GRK5: variants seen among roughly 807,000 people sequenced by gnomAD.
The protein encoded by GRK5 is g protein-coupled receptor kinase GRK5.
In GRK5, 40 loss-of-function variants were observed where a neutral mutation model predicts 78.4. The ratio of observed to expected loss-of-function variants is 0.51; its 90% CI spans 0.40 to 0.66. The LOEUF is 0.66. Among genes scored for constraint, GRK5 ranks in the 30% least tolerant of loss-of-function variants. The pLI is 0.00. For missense variants in GRK5, 598 were observed against 759.9 expected (o/e 0.79, Z 2.50); for synonymous variants, 289 against 296.8 (o/e 0.97, Z 0.27).
At chr10:119,313,616 A>G (rs1164887105) in intron 1 of GRK5, among the ~76,000 whole-genome samples, 1 of 152,046 alleles carries the variant, frequency 6.6e-6, no homozygotes, top group Non-Finnish European at 1.5e-5. Context: ...GTCCTGGTGA[A>G]CAGTGCAGCT....
intron 1 of GRK5, among the ~76,000 whole-genome samples, chr10:119,321,473 G>A (rs975507359): frequency 5.9e-5 from 9 of 152,154 alleles, no homozygotes; most frequent in Non-Finnish European, 1.0e-4. Flanking sequence ...GCCTTGGCTC[G>A]TGGCCCCTTC....
intron 4 of GRK5, among the ~76,000 whole-genome samples, chr10:119,419,365 T>C (rs996504447): frequency 2.0e-5 from 3 of 152,234 alleles, no homozygotes; most frequent in Admixed American, 1.3e-4. Flanking sequence ...CATCCTCTGG[T>C]TCCATTGATG....
intron 4 of GRK5, among the ~76,000 whole-genome samples, chr10:119,408,453 A>G (rs985673995): frequency 1.3e-5 from 2 of 152,204 alleles, no homozygotes; most frequent in Non-Finnish European, 2.9e-5. Context: ...CAACCAAAGT[A>G]TCCATCAACG....
At chr10:119,323,775 G>C (rs1025953383) in intron 1 of GRK5, among the ~76,000 whole-genome samples, 1 of 152,190 alleles carries the variant, frequency 6.6e-6, no homozygotes, top group African/African-American at 2.4e-5. Context: ...GGTGATTTCT[G>C]AGATTTTGGT....
At chr10:119,291,289 G>A (rs1231911114) in intron 1 of GRK5, among the ~76,000 whole-genome samples, 2 of 152,146 alleles carry the variant, frequency 1.3e-5, no homozygotes, top group East Asian at 1.9e-4. Flanking sequence ...GGCAGGAGAT[G>A]CAGTGAAGCT....
chr10:119,456,012 A>T lies in GRK5; in HGVS notation c.*945A>T. 1 of 152,244 alleles carries T rather than the reference A, an allele frequency of 6.6e-6. No homozygotes were observed. Among genetic ancestry groups the T allele is most frequent in the Non-Finnish European group, 1.5e-5 (1 of 68,130 alleles). The allele number at this position is 152,244 out of a possible 1,614,324, so 9.4% of individuals were successfully genotyped here. On this transcript the variant is annotated 3_prime_UTR_variant, in exon 16 of 16. Transcript: ENST00000392870. This position sits in a 1 kb window ranked among gnomAD's most constrained non-coding sequence, Gnocchi z 5.5. Reference sequence around the variant, plus strand: ...GCTCTATTTTTAACAGAAGCATAGGACCGTAAAGATGTGTCATGAAACCCC... The same window carrying T: ...GCTCTATTTTTAACAGAAGCATAGGTCCGTAAAGATGTGTCATGAAACCCC...
chr10:119,311,121 G>A (rs1850351723), intron 1 of GRK5, among the ~76,000 whole-genome samples: 2 of 152,194 alleles, frequency 1.3e-5, no homozygotes, highest in Admixed American at 6.5e-5. Context: ...GGTGTGCAGT[G>A]TGGCTTATTT....
At chr10:119,258,413 C>A (rs1849321586) in intron 1 of GRK5, among the ~76,000 whole-genome samples, 1 of 152,142 alleles carries the variant, frequency 6.6e-6, no homozygotes, top group Admixed American at 6.5e-5. Flanking sequence ...TTTCTCTGAA[C>A]ACAAGTTTTC....
chr10:119,442,109 G>T (rs1366289137), intron 11 of GRK5, 21 bp downstream of exon 11: 1 of 1,605,490 alleles, frequency 6.2e-7, no homozygotes, highest in African/African-American at 1.3e-5. Context: ...GGCTGCCTGT[G>T]TCAATGCACC....
At chr10:119,306,364 C>T (rs1167852208) in intron 1 of GRK5, among the ~76,000 whole-genome samples, 1 of 152,196 alleles carries the variant, frequency 6.6e-6, no homozygotes. Context: ...CCTGGATGAG[C>T]AAGCTTCCTG....
At chr10:119,288,873 C>T (rs1202078563) in intron 1 of GRK5, among the ~76,000 whole-genome samples, 1 of 152,214 alleles carries the variant, frequency 6.6e-6, no homozygotes, top group Non-Finnish European at 1.5e-5. Flanking sequence ...GAGCTACTAA[C>T]CTCCCACCTT....
At chr10:119,277,453 A>G (rs984462243) in intron 1 of GRK5, among the ~76,000 whole-genome samples, 3 of 149,770 alleles carry the variant, frequency 2.0e-5, no homozygotes, top group Non-Finnish European at 4.5e-5. Context: ...CCAGGGTGCC[A>G]GTGGAGGCTA....
chr10:119,400,777 A>G (rs1288103926), intron 4 of GRK5, among the ~76,000 whole-genome samples: 1 of 152,206 alleles, frequency 6.6e-6, no homozygotes, highest in East Asian at 1.9e-4. Flanking sequence ...ACTGGAGGCA[A>G]GAGGCCATCT....
chr10:119,312,290 A>G (rs540562637), intron 1 of GRK5, among the ~76,000 whole-genome samples: 23 of 152,330 alleles, frequency 1.5e-4, no homozygotes, highest in African/African-American at 5.5e-4. Flanking sequence ...AATGGCGATC[A>G]GGGTCAGCCT....
chr10:119,439,295 G>T (rs1852984659), intron 9 of GRK5, among the ~76,000 whole-genome samples: 1 of 152,256 alleles, frequency 6.6e-6, no homozygotes, highest in Admixed American at 6.5e-5. Context: ...ATCCCAAAGG[G>T]GGTCTTTTTC....
At position 119,326,501 on chromosome 10, in the gene GRK5, T is replaced by C. The variant is rs1382010157; in HGVS notation, c.53-15T>C. The C allele has an allele frequency of 4.4e-6, 7 of 1,606,444 alleles. No individual in the cohort carries two copies. The highest frequency in any genetic ancestry group is 6.0e-6 in the Non-Finnish European group (7 of 1,173,370). On this transcript the variant is annotated splice_polypyrimidine_tract_variant and intron_variant, in intron 1 of 15. Coordinates refer to ENST00000392870, the MANE Select transcript of GRK5 (RefSeq NM_005308.3). ...CTGGAGCCTCAGCCAGGCATCTTTT[T>C]CCCCATCTCTGCAGGGGGCGGAGGA...
At chr10:119,382,616 T>C (rs1851731404) in intron 3 of GRK5, among the ~76,000 whole-genome samples, 1 of 152,216 alleles carries the variant, frequency 6.6e-6, no homozygotes, top group Non-Finnish European at 1.5e-5. Flanking sequence ...GAACTTTTCA[T>C]TATGTATCTC....
At chr10:119,427,446 G>A (rs1439559487) in intron 6 of GRK5, among the ~76,000 whole-genome samples, 9 of 149,308 alleles carry the variant, frequency 6.0e-5, no homozygotes, top group Non-Finnish European at 1.2e-4. Flanking sequence ...GCCATCATCA[G>A]CATCACCGCC....
intron 1 of GRK5, among the ~76,000 whole-genome samples, chr10:119,256,717 C>T (rs1849292725): frequency 6.6e-6 from 1 of 152,142 alleles, no homozygotes; most frequent in Non-Finnish European, 1.5e-5. Context: ...AACATCCCCC[C>T]TCTTTTTATT....
Sources: allele counts gnomAD v4.1 joint callset (sites outside exome capture counted in the v4.1 genomes callset), GRCh38; gene constraint gnomAD v4.1.1; non-coding constraint Gnocchi (gnomAD v3.1); transcripts MANE v1.5; gene names NCBI Gene and HGNC (gene_info 2026-07-23, HGNC 2026-07-21).